The following RAD51AP1 variants were observed in gnomAD, a reference collection of about 807,000 sequenced individuals.
RAD51AP1 encodes the protein RAD51-associated protein 1.
In RAD51AP1, 14 loss-of-function variants were observed where a neutral mutation model predicts 34.3. The observed-to-expected ratio is 0.41, with a 90% confidence interval of 0.27 to 0.64. RAD51AP1 has a LOEUF of 0.64. RAD51AP1 is among the 30% of genes least tolerant of loss of function. RAD51AP1 has a pLI of 0.33. For missense variants in RAD51AP1, 348 were observed against 386.9 expected (o/e 0.90, Z 0.84); for synonymous variants, 114 against 129.8 (o/e 0.88, Z 0.83).
intron 1 of RAD51AP1, among the ~76,000 whole-genome samples, chr12:4,540,373 AG>A (rs1181064277): frequency 6.6e-6 from 1 of 152,142 alleles, no homozygotes; most frequent in African/African-American, 2.4e-5. Flanking sequence ...ACTTCTCTAG[AG>A]GTCTATGAGG....
At chr12:4,544,717 A>C (rs1415536291) in intron 3 of RAD51AP1, among the ~76,000 whole-genome samples, 1 of 152,216 alleles carries the variant, frequency 6.6e-6, no homozygotes, top group African/African-American at 2.4e-5. Context: ...GAGTATACAC[A>C]GAACTCGTAA....
In RAD51AP1 at chr12:4,538,956, G is replaced by T; in HGVS notation, c.17G>T (p.Arg6Ile). ...AAAGGGACCATGGTGCGGCCTGTGA[G>T]GTGGGTAGTTCCTGACATTCGTCGG... MVRPV[R>I]HKKPVNYSQF... Residue 6 changes from arginine to isoleucine, a missense_variant and splice_region_variant, in exon 1 of 9, where the codon AGA (arginine) becomes ATA (isoleucine). Arg to Ile is a moderately conservative substitution (Grantham distance 97, BLOSUM62 -3). Transcript: ENST00000352618. 6.2e-7 allele frequency: 1 copy of T among 1,613,904 alleles called. No individual in the cohort carries two copies. Among genetic ancestry groups the T allele is most frequent in the Non-Finnish European group, 8.5e-7 (1 of 1,179,744 alleles).
intron 7 of RAD51AP1, among the ~76,000 whole-genome samples, chr12:4,553,453 G>T (rs1348583608): frequency 6.6e-6 from 1 of 152,092 alleles, no homozygotes; most frequent in African/African-American, 2.4e-5. Context: ...ATAATTTGTT[G>T]GAAATCTTAC....
chr12:4,544,179 T>C (rs1280455580), intron 3 of RAD51AP1, among the ~76,000 whole-genome samples: 1 of 152,214 alleles, frequency 6.6e-6, no homozygotes, highest in Non-Finnish European at 1.5e-5. Context: ...CACTTATCTC[T>C]GAATTCCTCA....
intron 3 of RAD51AP1, chr12:4,545,899 A>G: frequency 6.5e-7 from 1 of 1,547,380 alleles, no homozygotes; most frequent in East Asian, 2.3e-5. Context: ...AAATGATAAT[A>G]ATTTTAATTT....
chr12:4,556,228 A>C (rs141848153), intron 7 of RAD51AP1, 125 bp from the exon 8 acceptor site: 1 of 755,330 alleles, frequency 1.3e-6, no homozygotes, highest in East Asian at 2.7e-5. Flanking sequence ...CTCTCAATAA[A>C]TGTTTGTTGA....
chr12:4,543,788 T>G lies in RAD51AP1; in HGVS notation c.93T>G (p.Pro31=), dbSNP rs1944485965. Residue 31 remains proline, a synonymous_variant, in exon 3 of 9, where the codon CCT becomes CCG. Transcript: ENST00000352618. ...ATGATTTTGTTTCTGCAACTGTACC[T>G]TTAAACAAGAAATCCAGAACAGCAC... ...SDDDFVSATV[P]LNKKSRTAPK... The G allele has an allele frequency of 6.2e-7, 1 of 1,605,192 alleles. No homozygotes were observed. The highest frequency in any genetic ancestry group is 8.5e-7 in the Non-Finnish European group (1 of 1,176,056).
rs369958886 is a variant in RAD51AP1 at position 4,558,981 on chromosome 12, C to T, written c.996C>T (p.Ala332=). The T allele has an allele frequency of 3.5e-5, 57 of 1,613,902 alleles. No homozygotes were observed. The highest frequency in any genetic ancestry group is 4.5e-5 in the Non-Finnish European group (53 of 1,179,952). ...GAGTTAAACCTTTGCATCCAAATGC[C>T]ACTAGCACCTGAGTGTGGTACAGGA... The part of the protein sequence containing the change: ...LARVKPLHPN[A]TST Residue 332 remains alanine (A), a synonymous_variant, in exon 9 of 9, where the codon GCC becomes GCT. Coordinates refer to ENST00000352618, the MANE Select transcript of RAD51AP1 (RefSeq NM_006479.5).
At chr12:4,554,254 T>C (rs1371910826) in intron 7 of RAD51AP1, among the ~76,000 whole-genome samples, 1 of 152,184 alleles carries the variant, frequency 6.6e-6, no homozygotes, top group Non-Finnish European at 1.5e-5. Context: ...CAGAGAGCAA[T>C]GGCAGGGACT....
chr12:4,556,533 C>G (rs1391746240), intron 8 of RAD51AP1, 31 bp downstream of exon 8: 1 of 1,591,298 alleles, frequency 6.3e-7, no homozygotes, highest in East Asian at 2.2e-5. Flanking sequence ...AGGACAGGAG[C>G]TTGGAAAATT....
intron 7 of RAD51AP1, 192 bp downstream of exon 7, chr12:4,553,339 G>A (rs758990523): frequency 4.1e-5 from 17 of 413,132 alleles, no homozygotes; most frequent in Non-Finnish European, 6.5e-5. Flanking sequence ...ACGTATGCTA[G>A]CACTTACTGT....
At chr12:4,542,108 A>G (rs1944471623) in intron 2 of RAD51AP1, among the ~76,000 whole-genome samples, 175 bp downstream of exon 2, 1 of 152,202 alleles carries the variant, frequency 6.6e-6, no homozygotes, top group Non-Finnish European at 1.5e-5. Context: ...ACTGATAAAA[A>G]TTATGTTAGT....
chr12:4,550,882 C>T (rs1387331646), intron 6 of RAD51AP1, among the ~76,000 whole-genome samples: 1 of 152,162 alleles, frequency 6.6e-6, no homozygotes, highest in Non-Finnish European at 1.5e-5. Context: ...TCATGTGATC[C>T]ACCTGCTTTG....
intron 3 of RAD51AP1, chr12:4,545,132 TA>T (rs1002430039): frequency 3.7e-3 from 1,431 of 391,124 alleles, no homozygotes; most frequent in South Asian, 5.7e-3. Context: ...TCATAATAGC[TA>T]AAAAAAAATG....
At chr12:4,544,035 A>T in intron 3 of RAD51AP1, 131 bp downstream of exon 3, 1 of 645,508 alleles carries the variant, frequency 1.5e-6, no homozygotes, top group South Asian at 3.7e-5. Flanking sequence ...GTGCAGTCAG[A>T]AAACAGGACG....
At chr12:4,554,860 C>A (rs1028794460) in intron 7 of RAD51AP1, among the ~76,000 whole-genome samples, 2 of 152,094 alleles carry the variant, frequency 1.3e-5, no homozygotes, top group African/African-American at 2.4e-5. Flanking sequence ...AACCTCTAGC[C>A]ATGTGTGGCT....
Position 4,543,803 on chromosome 12 carries a change from C to T in RAD51AP1, c.108C>T (p.Ser36=). ...CAACTGTACCTTTAAACAAGAAATC[C>T]AGAACAGCACCAAAGGAGTTAAAAC... is the stretch of plus-strand genomic sequence containing the variant. ...VSATVPLNKK[S]RTAPKELKQD... Residue 36 remains serine (S), a synonymous_variant, in exon 3 of 9, where the codon TCC becomes TCT. Transcript: ENST00000352618. 1 of 1,610,492 alleles carries T rather than the reference C, an allele frequency of 6.2e-7. No individual in the cohort carries two copies. The highest frequency in any genetic ancestry group is 8.5e-7 in the Non-Finnish European group (1 of 1,177,988).
At chr12:4,545,686 G>A (rs1944500860) in intron 3 of RAD51AP1, 11 of 1,305,724 alleles carry the variant, frequency 8.4e-6, no homozygotes, top group Non-Finnish European at 1.2e-5. Context: ...ATACTCCATA[G>A]CACTTTTGAG....
At position 4,553,033 on chromosome 12, in the gene RAD51AP1, G is replaced by A. The variant is rs373862672; in HGVS notation, c.607G>A (p.Glu203Lys). 3.0e-5 allele frequency: 48 copies of A among 1,604,926 alleles called. No homozygotes were observed. Among genetic ancestry groups the A allele is most frequent in the South Asian group, 1.9e-4 (17 of 89,302 alleles). Reference sequence around the variant, plus strand: ...TTTTTGTGAGAGTGAGGATAATGACGAAGACTTCTCTATGAGAAAAAGTAA... The same window carrying A: ...TTTTTGTGAGAGTGAGGATAATGACAAAGACTTCTCTATGAGAAAAAGTAA... The part of the protein sequence containing the change: ...SDFCESEDND[E>K]DFSMRKSKVK... The change falls in exon 7 of 9, where the codon GAA (glutamate) becomes AAA (lysine). Residue 203 changes from glutamate (E) to lysine (K), a missense_variant. By Grantham distance (56) the Glu-to-Lys change is moderately conservative. Coordinates refer to ENST00000352618, the MANE Select transcript of RAD51AP1 (RefSeq NM_006479.5).
Sources: allele counts gnomAD v4.1 joint callset (sites outside exome capture counted in the v4.1 genomes callset), GRCh38; gene constraint gnomAD v4.1.1; transcripts MANE v1.5; gene names NCBI Gene and HGNC (gene_info 2026-07-23, HGNC 2026-07-21).